The following C1orf52 variants were observed in gnomAD, a reference collection of about 807,000 sequenced individuals.
C1orf52 encodes chromosome 1 open reading frame 52, also known as UPF0690 protein C1orf52.
In C1orf52, 5 loss-of-function variants were observed where a neutral mutation model predicts 17.2. That is an observed-to-expected ratio of 0.29 (90% CI 0.15 to 0.61). The LOEUF (loss-of-function observed/expected upper bound fraction) is 0.61, where lower values mean the gene tolerates loss of function less well. C1orf52 is among the 20% of genes least tolerant of loss of function. The probability of loss-of-function intolerance (pLI) is 0.85; values close to 1 mark genes in which losing one functional copy is unlikely to be tolerated. For missense variants in C1orf52, 245 were observed against 234.1 expected, an observed-to-expected ratio of 1.05 and a Z score of -0.30; for synonymous variants, 110 against 88.0, an observed-to-expected ratio of 1.25 and a Z score of -1.40.
intron 2 of C1orf52, among the ~76,000 whole-genome samples, chr1:85,256,575 A>G (rs781384777): frequency 2.6e-4 from 40 of 152,176 alleles, no homozygotes; most frequent in Non-Finnish European, 4.0e-4. Context: ...CAAGGCGGGC[A>G]GATCACGAGG....
intron 2 of C1orf52, among the ~76,000 whole-genome samples, chr1:85,256,671 C>T (rs2100733562): frequency 1.3e-5 from 2 of 151,896 alleles, no homozygotes; most frequent in Middle Eastern, 6.8e-3. Context: ...TGATGGCAGG[C>T]ACCTGCAGTC....
chr1:85,254,717 T>C (rs1400461438), intron 2 of C1orf52, among the ~76,000 whole-genome samples: 2 of 152,234 alleles, frequency 1.3e-5, no homozygotes, highest in Non-Finnish European at 2.9e-5. Flanking sequence ...GAGTTAATTA[T>C]CACTAAGCTC....
At chr1:85,255,474 C>T (rs935400021) in intron 2 of C1orf52, among the ~76,000 whole-genome samples, 25 of 150,838 alleles carry the variant, frequency 1.7e-4, no homozygotes, top group African/African-American at 5.6e-4. Flanking sequence ...CGCTTGAACC[C>T]GGGAGGCGGA....
chr1:85,258,605 A>G lies in C1orf52; in HGVS notation c.394T>C (p.Tyr132His). 1.2e-6 allele frequency: 2 copies of G among 1,614,016 alleles called. No homozygotes were observed. Among genetic ancestry groups the G allele is most frequent in the Non-Finnish European group, 1.7e-6 (2 of 1,179,998 alleles). ...LDMAIKWSNIYEDNGDDAPQN... is the reference protein window; with the variant it reads ...LDMAIKWSNIHEDNGDDAPQN... ...GGAGCATCATCACCATTGTCCTCAT[A>G]TATGTTAGACCATTTTATTGCCATG... Residue 132 changes from tyrosine to histidine, a missense_variant, in exon 2 of 3, where the codon TAT (tyrosine) becomes CAT (histidine). Transcript: ENST00000471115.
chr1:85,258,862 T>A (rs1228573642), intron 1 of C1orf52, 140 bp from the exon 2 acceptor site: 2 of 1,424,590 alleles, frequency 1.4e-6, no homozygotes, highest in African/African-American at 2.9e-5. Context: ...CATTTTTCCA[T>A]CAAAATCACA....
chr1:85,256,167 TC>T (rs1659931805), intron 2 of C1orf52, among the ~76,000 whole-genome samples: 1 of 152,204 alleles, frequency 6.6e-6, no homozygotes, highest in Non-Finnish European at 1.5e-5. Flanking sequence ...GGAGACCAAA[TC>T]CCAGTTTAAT....
intron 2 of C1orf52, among the ~76,000 whole-genome samples, chr1:85,253,936 A>C (rs1659861955): frequency 6.6e-6 from 1 of 152,218 alleles, no homozygotes; most frequent in Non-Finnish European, 1.5e-5. Flanking sequence ...GTAGCTTTTG[A>C]CTTTATTTTC....
chr1:85,258,483 G>A, intron 2 of C1orf52, 41 bp downstream of exon 2: 2 of 1,510,462 alleles, frequency 1.3e-6, no homozygotes, highest in Non-Finnish European at 1.8e-6. Context: ...GCCCATCACG[G>A]GGATCAAAAT....
At chr1:85,254,680 C>G (rs1047891803) in intron 2 of C1orf52, among the ~76,000 whole-genome samples, 1 of 152,334 alleles carries the variant, frequency 6.6e-6, no homozygotes, top group Non-Finnish European at 1.5e-5. Flanking sequence ...CGTGAGCCAC[C>G]GCACCCGGCA....
At chr1:85,254,065 T>C (rs1254542471) in intron 2 of C1orf52, among the ~76,000 whole-genome samples, 1 of 152,236 alleles carries the variant, frequency 6.6e-6, no homozygotes, top group Non-Finnish European at 1.5e-5. Context: ...CATCAAATCA[T>C]AAATTCCTTG....
intron 2 of C1orf52, among the ~76,000 whole-genome samples, chr1:85,253,104 TTC>T (rs1318895827): frequency 2.0e-5 from 3 of 152,224 alleles, no homozygotes; most frequent in African/African-American, 7.2e-5. Flanking sequence ...GGTTTTTAGT[TTC>T]TGTCTCTAGT....
At chr1:85,255,911 T>C (rs989669880) in intron 2 of C1orf52, among the ~76,000 whole-genome samples, 1 of 152,228 alleles carries the variant, frequency 6.6e-6, no homozygotes, top group Non-Finnish European at 1.5e-5. Context: ...TCTATGTGAA[T>C]AGCAGTGTTA....
Position 85,252,408 on chromosome 1 carries a change from A to G in C1orf52, c.*221T>C, listed in dbSNP as rs1249843965. ...GAGAGCAAGAATGCATCCAAGTGTT[A>G]TCAATTTCACAATCACAAGTCACCA... On this transcript the variant is annotated 3_prime_UTR_variant, in exon 3 of 3. Coordinates refer to ENST00000471115, the MANE Select transcript of C1orf52 (RefSeq NM_198077.4). 6 of 482,078 alleles carry G rather than the reference A, an allele frequency of 1.2e-5. No homozygotes were observed. The highest frequency in any genetic ancestry group is 2.0e-5 in the African/African-American group (1 of 49,696). The allele number at this position is 482,078 out of a possible 1,614,324, so 29.9% of individuals were successfully genotyped here. A position where few individuals can be genotyped will look rare whatever the true frequency, so the allele number is the denominator to read the frequency against.
intron 2 of C1orf52, among the ~76,000 whole-genome samples, chr1:85,257,153 A>C (rs935704367): frequency 3.3e-5 from 5 of 152,242 alleles, no homozygotes; most frequent in Non-Finnish European, 5.9e-5. Flanking sequence ...TCAATTCAAC[A>C]ATTACTGAAT....
At chr1:85,254,568 T>C (rs1659881440) in intron 2 of C1orf52, among the ~76,000 whole-genome samples, 2 of 152,110 alleles carry the variant, frequency 1.3e-5, no homozygotes, top group South Asian at 2.1e-4. Context: ...ATTTTTTGTA[T>C]TTTTAGTAGA....
chr1:85,257,007 T>C (rs559999384), intron 2 of C1orf52, among the ~76,000 whole-genome samples: 12 of 152,310 alleles, frequency 7.9e-5, no homozygotes, highest in South Asian at 6.2e-4. Flanking sequence ...TCAGTTCTCC[T>C]TTCTCTTAAA....
intron 2 of C1orf52, among the ~76,000 whole-genome samples, chr1:85,255,103 G>A (rs951168089): frequency 1.3e-5 from 2 of 152,246 alleles, no homozygotes; most frequent in African/African-American, 4.8e-5. Flanking sequence ...AATCACTCAA[G>A]TAAGTTTAAC....
At chr1:85,255,427 G>A (rs1659912132) in intron 2 of C1orf52, among the ~76,000 whole-genome samples, 1 of 152,022 alleles carries the variant, frequency 6.6e-6, no homozygotes, top group African/African-American at 2.4e-5. Context: ...GCGTGTGCCT[G>A]TAGTCCCAGC....
chr1:85,250,599 C>CTAAG lies in C1orf52; in HGVS notation c.*2026_*2029dup, dbSNP rs1659777919. The CTAAG allele has an allele frequency of 6.6e-6, 1 of 152,198 alleles. No individual in the cohort carries two copies. The highest frequency in any genetic ancestry group is 1.5e-5 in the Non-Finnish European group (1 of 68,016). The allele number at this position is 152,198 out of a possible 1,614,324, so 9.4% of individuals were successfully genotyped here. ...TGCTCCAAAATATTTAGCCTCTTCCCTAAGTCCTGTCTTCCTCCTCATACA... is the reference window on the plus strand; with the variant it reads ...TGCTCCAAAATATTTAGCCTCTTCCCTAAGTAAGTCCTGTCTTCCTCCTCATACA... On this transcript the variant is annotated 3_prime_UTR_variant, in exon 3 of 3. Transcript: ENST00000471115.
Sources: allele counts gnomAD v4.1 joint callset (sites outside exome capture counted in the v4.1 genomes callset), GRCh38; gene constraint gnomAD v4.1.1; transcripts MANE v1.5; gene names NCBI Gene and HGNC (gene_info 2026-07-23, HGNC 2026-07-21).